PAX5: variants seen among roughly 807,000 people sequenced by gnomAD.
PAX5 encodes the protein paired box protein Pax-5.
PAX5 carries 9 observed loss-of-function variants against 43.7 expected under a neutral mutation model. The ratio of observed to expected loss-of-function variants is 0.21; its 90% CI spans 0.12 to 0.36. The LOEUF is 0.36. PAX5 is among the 10% of genes least tolerant of loss of function. The probability of loss-of-function intolerance (pLI) is 1.00; values close to 1 mark genes in which losing one functional copy is unlikely to be tolerated. For synonymous variants in PAX5, 228 were observed against 214.3 expected (o/e 1.06, Z -0.56); for missense variants, 383 against 532.7 (o/e 0.72, Z 2.77).
intron 8 of PAX5, among the ~76,000 whole-genome samples, chr9:36,862,737 G>A (rs1238459699): frequency 6.6e-6 from 1 of 152,182 alleles, no homozygotes; most frequent in Admixed American, 6.5e-5. Context: ...TCTTTAAGGT[G>A]GCTCCTTACA....
chr9:37,004,882 G>C (rs927263617), intron 4 of PAX5, among the ~76,000 whole-genome samples: 10 of 152,298 alleles, frequency 6.6e-5, no homozygotes, highest in Middle Eastern at 3.4e-3. Flanking sequence ...ACATGACCTA[G>C]GGCTAGTTAT....
At chr9:37,020,583 GT>G in intron 2 of PAX5, 52 bp downstream of exon 2, 1 of 1,566,818 alleles carries the variant, frequency 6.4e-7, no homozygotes, top group Non-Finnish European at 8.8e-7. Context: ...GCTGGGTCAT[GT>G]TTTAGGTCTT....
intron 8 of PAX5, among the ~76,000 whole-genome samples, chr9:36,872,793 A>C (rs992438758): frequency 5.3e-5 from 8 of 152,156 alleles, no homozygotes; most frequent in Admixed American, 4.6e-4. Flanking sequence ...CACAGGCAAC[A>C]GGCAACCCTG....
At chr9:37,007,749 G>A (rs749618550) in intron 3 of PAX5, 9 of 152,240 alleles carry the variant, frequency 5.9e-5, no homozygotes, top group African/African-American at 7.2e-5. Flanking sequence ...GTATGGGAAA[G>A]TATAAAGAAG....
Position 37,006,654 on chromosome 9 carries a change from G to A in PAX5, c.411-117C>T, listed in dbSNP as rs937626419. On this transcript the variant is annotated intron_variant, in intron 3 of 9. Coordinates refer to ENST00000358127, the MANE Select transcript of PAX5 (RefSeq NM_016734.3). Reference sequence around the variant, plus strand: ...CCCAAGCTGGGCCATGGTTCGAGCTGAGGCAGAGGGGCAGAGGTGGAGGGA... The same window carrying A: ...CCCAAGCTGGGCCATGGTTCGAGCTAAGGCAGAGGGGCAGAGGTGGAGGGA... 2.4e-5 allele frequency: 19 copies of A among 801,834 alleles called. No homozygotes were observed. In the African/African-American group the frequency reaches 3.2e-4, roughly 14 times the overall value. The allele number at this position is 801,834 out of a possible 1,614,324, so 49.7% of individuals were successfully genotyped here.
intron 6 of PAX5, among the ~76,000 whole-genome samples, chr9:36,925,749 A>C (rs991290986): frequency 6.6e-6 from 1 of 152,220 alleles, no homozygotes; most frequent in African/African-American, 2.4e-5. Flanking sequence ...TCTGCCCTTC[A>C]TGGAAGGAAG....
In PAX5 at chr9:36,882,167, C is replaced by CTGTGGACATG; in HGVS notation, c.911-63_911-62insCATGTCCACA. ...CTTCGCGGCCAGCCGCTCATGTCCA[C>CTGTGGACATG]AGCTCCCTGGACGCTTCTGCACATT... On this transcript the variant is annotated intron_variant, in intron 7 of 9. Coordinates refer to ENST00000358127, the MANE Select transcript of PAX5 (RefSeq NM_016734.3). This position sits in a 1 kb window ranked among gnomAD's most constrained non-coding sequence, Gnocchi z 4.4. 2 of 1,342,052 alleles carry CTGTGGACATG rather than the reference C, an allele frequency of 1.5e-6. No individual in the cohort carries two copies. The highest frequency in any genetic ancestry group is 2.1e-6 in the Non-Finnish European group (2 of 970,102). The allele number at this position is 1,342,052 out of a possible 1,614,324, so 83.1% of individuals were successfully genotyped here.
chr9:37,022,425 G>A (rs1293890288), intron 1 of PAX5, among the ~76,000 whole-genome samples: 1 of 152,210 alleles, frequency 6.6e-6, no homozygotes, highest in Non-Finnish European at 1.5e-5. Context: ...TAAAAAGGTT[G>A]TACAGATCTT....
intron 2 of PAX5, among the ~76,000 whole-genome samples, chr9:37,017,394 C>T (rs1233435140): frequency 3.3e-5 from 5 of 152,372 alleles, no homozygotes; most frequent in Middle Eastern, 6.8e-3. Flanking sequence ...CTTCCCGCTA[C>T]AGCAAGCTGC....
At chr9:36,906,477 A>G (rs180836382) in intron 7 of PAX5, among the ~76,000 whole-genome samples, 11 of 152,218 alleles carry the variant, frequency 7.2e-5, no homozygotes, top group South Asian at 4.1e-4. Context: ...AGGCAAGGAA[A>G]CGAATTTTAC....
intron 6 of PAX5, among the ~76,000 whole-genome samples, chr9:36,963,357 C>A (rs963051521): frequency 2.6e-5 from 4 of 152,188 alleles, no homozygotes; most frequent in Non-Finnish European, 4.4e-5. Context: ...TCCATGAGCC[C>A]ATGGGACCTG....
At chr9:36,891,567 C>G (rs1471814411) in intron 7 of PAX5, among the ~76,000 whole-genome samples, 1 of 152,124 alleles carries the variant, frequency 6.6e-6, no homozygotes, top group Non-Finnish European at 1.5e-5. Context: ...AATATTTCAC[C>G]CGGAGGGGAA....
chr9:36,954,518 A>G (rs1833286860), intron 6 of PAX5, among the ~76,000 whole-genome samples: 1 of 152,188 alleles, frequency 6.6e-6, no homozygotes, highest in South Asian at 2.1e-4. Flanking sequence ...CGAGGTAATT[A>G]TTACTATCTC....
At chr9:36,873,017 G>A (rs528633253) in intron 8 of PAX5, among the ~76,000 whole-genome samples, 1 of 152,278 alleles carries the variant, frequency 6.6e-6, no homozygotes, top group South Asian at 2.1e-4. Flanking sequence ...GGTTCCCCTG[G>A]GGCTTCTCAC....
intron 7 of PAX5, among the ~76,000 whole-genome samples, chr9:36,900,795 G>A (rs755927827): frequency 7.3e-5 from 11 of 151,232 alleles, no homozygotes; most frequent in Admixed American, 2.6e-4. Context: ...TCCTGACCCC[G>A]CCCCCACTGC....
rs371184639 is a variant in PAX5 at position 36,864,992 on chromosome 9, G to A, written c.1012+17012C>T. On this transcript the variant is annotated intron_variant, in intron 8 of 9. Transcript: ENST00000358127. Reference sequence around the variant, plus strand: ...GAGAGTGTGCAGAGAGAGGCACCGCGGCCTTCCCGCCCGCGAAGGAACAAT... The same window carrying A: ...GAGAGTGTGCAGAGAGAGGCACCGCAGCCTTCCCGCCCGCGAAGGAACAAT... Among the ~76,000 whole-genome samples the A allele has an allele frequency of 9.8e-5, 15 of 152,342 alleles. No homozygotes were observed. The South Asian group carries it at 1.7e-3, about 17-fold the overall frequency.
chr9:36,956,748 G>A (rs753451467), intron 6 of PAX5, among the ~76,000 whole-genome samples: 1 of 152,166 alleles, frequency 6.6e-6, no homozygotes, highest in Non-Finnish European at 1.5e-5. Context: ...AGCAAATCAA[G>A]TGAGGTCCCA....
chr9:37,003,154 TAAAAAAAAAA>T (rs67081521), intron 4 of PAX5, among the ~76,000 whole-genome samples: 1 of 75,848 alleles, frequency 1.3e-5, no homozygotes, highest in Non-Finnish European at 2.4e-5. Flanking sequence ...AGTCAGTGCT[TAAAAAAAAAA>T]AAAAAAAAAA....
chr9:36,835,663 G>A lies in PAX5; in HGVS notation c.*4897C>T. The A allele has an allele frequency of 4.3e-6, 1 of 233,286 alleles. No homozygotes were observed. Among genetic ancestry groups the A allele is most frequent in the African/African-American group, 2.2e-5 (1 of 45,476 alleles). 14.5% of individuals were successfully genotyped at this position (233,286 alleles called of 1,614,324 possible). On this transcript the variant is annotated 3_prime_UTR_variant, in exon 10 of 10. Coordinates refer to ENST00000358127, the MANE Select transcript of PAX5 (RefSeq NM_016734.3). ...TGCATTTTATTACCTTTTAAGAAAT[G>A]TACTTGCCTCGGACCTCTCCGAGGC...
Sources: allele counts gnomAD v4.1 joint callset (sites outside exome capture counted in the v4.1 genomes callset), GRCh38; gene constraint gnomAD v4.1.1; non-coding constraint Gnocchi (gnomAD v3.1); transcripts MANE v1.5; gene names NCBI Gene and HGNC (gene_info 2026-07-23, HGNC 2026-07-21).